DGKB: variants seen among roughly 807,000 people sequenced by gnomAD.
DGKB encodes diacylglycerol kinase beta.
Under a neutral mutation model 114.3 loss-of-function variants are expected in DGKB, and 67 were observed. That is an observed-to-expected ratio of 0.59 (90% confidence interval 0.48 to 0.72). DGKB has a LOEUF of 0.72. DGKB is among the 30% of genes least tolerant of loss of function. DGKB has a pLI of 0.00. For missense variants in DGKB, 907 were observed against 975.2 expected (o/e 0.93, Z 0.93); for synonymous variants, 398 against 323.1 (o/e 1.23, Z -2.49).
intron 4 of DGKB, among the ~76,000 whole-genome samples, chr7:14,753,325 C>T (rs1834382181): frequency 6.6e-6 from 1 of 152,162 alleles, no homozygotes; most frequent in African/African-American, 2.4e-5. Flanking sequence ...CCATTTAGAG[C>T]ACCTGAAAAT....
chr7:14,770,718 T>TAA (rs1837282531), intron 2 of DGKB, among the ~76,000 whole-genome samples: 1 of 152,066 alleles, frequency 6.6e-6, no homozygotes, highest in Non-Finnish European at 1.5e-5. Context: ...AGCACCACTG[T>TAA]TATGATTAGA....
At chr7:14,651,181 A>G (rs886786546) in intron 13 of DGKB, among the ~76,000 whole-genome samples, 241 of 152,266 alleles carry the variant, frequency 1.6e-3, no homozygotes, top group African/African-American at 5.3e-3. Flanking sequence ...AAAGCCAGGC[A>G]GAGACACAAC....
At chr7:14,435,634 T>G (rs1829127255) in intron 21 of DGKB, among the ~76,000 whole-genome samples, 1 of 152,096 alleles carries the variant, frequency 6.6e-6, no homozygotes, top group Non-Finnish European at 1.5e-5. Flanking sequence ...AACATTATAT[T>G]CAATGCCATG....
At chr7:14,641,733 C>G (rs1811843461) in intron 13 of DGKB, among the ~76,000 whole-genome samples, 1 of 151,918 alleles carries the variant, frequency 6.6e-6, no homozygotes, top group Non-Finnish European at 1.5e-5. Context: ...CTTTTAGAGC[C>G]ATATTATTTT....
chr7:14,320,624 A>G (rs551072725), intron 23 of DGKB, among the ~76,000 whole-genome samples: 2 of 151,868 alleles, frequency 1.3e-5, no homozygotes, highest in Non-Finnish European at 2.9e-5. Context: ...ACATATATAT[A>G]TATAGTCCTG....
chr7:14,658,903 C>G (rs1585418016), intron 13 of DGKB, among the ~76,000 whole-genome samples: 1 of 151,758 alleles, frequency 6.6e-6, no homozygotes, highest in African/African-American at 2.4e-5. Flanking sequence ...TAACTCTATT[C>G]TTCTTTTTTA....
intron 2 of DGKB, among the ~76,000 whole-genome samples, chr7:14,770,609 T>A (rs1009510716): frequency 6.6e-6 from 1 of 152,112 alleles, no homozygotes; most frequent in African/African-American, 2.4e-5. Flanking sequence ...TTTGCAAATA[T>A]AGTTCCTTTG....
chr7:14,800,802 A>G (rs1302253095), intron 2 of DGKB, among the ~76,000 whole-genome samples: 1 of 152,138 alleles, frequency 6.6e-6, no homozygotes, highest in Non-Finnish European at 1.5e-5. Flanking sequence ...TTGGCTTAGT[A>G]TTACCATGGC....
intron 20 of DGKB, among the ~76,000 whole-genome samples, chr7:14,509,758 CTTT>C (rs1358020416): frequency 1.2e-4 from 19 of 152,360 alleles, no homozygotes; most frequent in Admixed American, 3.9e-4. Context: ...TATTCTGTCT[CTTT>C]CTAACTCCTT....
chr7:14,318,317 A>T (rs75060326), intron 23 of DGKB, among the ~76,000 whole-genome samples: 2 of 147,130 alleles, frequency 1.4e-5, no homozygotes, highest in Admixed American at 1.4e-4. Context: ...GCTTCTGCAC[A>T]GCAAAAGAAA....
chr7:14,205,379 CCT>C (rs1289697201), intron 23 of DGKB, among the ~76,000 whole-genome samples: 1 of 151,774 alleles, frequency 6.6e-6, no homozygotes, highest in African/African-American at 2.4e-5. Context: ...CAGAATCTTT[CCT>C]ATCTCTTTTC....
Position 14,334,943 on chromosome 7 carries a change from T to C in DGKB, c.2122+3572A>G, listed in dbSNP as rs189798959. On this transcript the variant is annotated intron_variant, in intron 23 of 25. Transcript: ENST00000402815. ...ATTTATTTGTATTTATAAACACATATGCACACAAAGAAAATGTCTACTGCA... is the reference window on the plus strand; with the variant it reads ...ATTTATTTGTATTTATAAACACATACGCACACAAAGAAAATGTCTACTGCA... Among the ~76,000 whole-genome samples, 811 of 152,312 alleles carry C rather than the reference T, an allele frequency of 5.3e-3. 4 individuals carry two copies. The highest frequency in any genetic ancestry group is 5.1e-3 in the Non-Finnish European group (349 of 68,016).
chr7:14,567,933 C>T (rs1159131837), intron 20 of DGKB, among the ~76,000 whole-genome samples: 1 of 152,022 alleles, frequency 6.6e-6, no homozygotes, highest in East Asian at 1.9e-4. Flanking sequence ...TAATTTACTC[C>T]CATAACCCTA....
chr7:14,551,555 G>C (rs1795109030), intron 20 of DGKB, among the ~76,000 whole-genome samples: 1 of 152,056 alleles, frequency 6.6e-6, no homozygotes, highest in Non-Finnish European at 1.5e-5. Flanking sequence ...TCTATGTAGG[G>C]AAAACAGAAT....
At chr7:14,251,263 A>T (rs1284317873) in intron 23 of DGKB, among the ~76,000 whole-genome samples, 1 of 151,532 alleles carries the variant, frequency 6.6e-6, no homozygotes, top group African/African-American at 2.4e-5. Context: ...CTATACTGTG[A>T]TTCATTTCTC....
At chr7:14,581,654 A>C (rs1799950401) in intron 18 of DGKB, among the ~76,000 whole-genome samples, 1 of 152,168 alleles carries the variant, frequency 6.6e-6, no homozygotes, top group Non-Finnish European at 1.5e-5. Context: ...AATGTATATC[A>C]CTTTCTTTTA....
rs1275581735 is a variant in DGKB at position 14,148,296 on chromosome 7, T to C, written c.*835A>G. ...AATTAATTATGCATTAACCCATTTCTCTCAAGCATTGTTTTCTGAATCTTT... is the reference window on the plus strand; with the variant it reads ...AATTAATTATGCATTAACCCATTTCCCTCAAGCATTGTTTTCTGAATCTTT... On this transcript the variant is annotated 3_prime_UTR_variant, in exon 26 of 26. Transcript: ENST00000402815. 1.3e-5 allele frequency: 2 copies of C among 152,588 alleles called. No individual in the cohort carries two copies. Among genetic ancestry groups the C allele is most frequent in the African/African-American group, 2.4e-5 (1 of 41,448 alleles). The allele number at this position is 152,588 out of a possible 1,614,324, so 9.5% of individuals were successfully genotyped here.
intron 5 of DGKB, among the ~76,000 whole-genome samples, chr7:14,731,519 C>T (rs898409962): frequency 6.6e-6 from 1 of 151,864 alleles, no homozygotes; most frequent in African/African-American, 2.4e-5. Context: ...TTTAAAAAAA[C>T]TGAAGAAGTG....
intron 25 of DGKB, among the ~76,000 whole-genome samples, chr7:14,171,260 T>C (rs1480543402): frequency 6.6e-6 from 1 of 152,340 alleles, no homozygotes; most frequent in Non-Finnish European, 1.5e-5. Flanking sequence ...TATCACTTTG[T>C]AGAGTCTTCT....
Sources: gnomAD v4.1 joint callset for allele counts (sites outside exome capture counted in the v4.1 genomes callset) on GRCh38, gnomAD v4.1.1 for gene constraint, MANE v1.5 for transcripts, NCBI Gene and HGNC (gene_info 2026-07-23, HGNC 2026-07-21) for gene names.